The following PCDHA1 variants were observed in gnomAD, a reference collection of about 807,000 sequenced individuals.
PCDHA1 encodes protocadherin alpha 1.
In PCDHA1, 42 loss-of-function variants were observed where a neutral mutation model predicts 61.3. That is an observed-to-expected ratio of 0.69 (90% CI 0.54 to 0.89). The LOEUF (loss-of-function observed/expected upper bound fraction) is 0.89. Ranked by LOEUF, PCDHA1 falls within the 40% of genes least tolerant of loss-of-function variation. PCDHA1 has a pLI of 0.00. For synonymous variants in PCDHA1, 610 were observed against 553.8 expected (o/e 1.10, Z -1.43); for missense variants, 1,256 against 1,235.3 (o/e 1.02, Z -0.25).
intron 3 of PCDHA1, among the ~76,000 whole-genome samples, chr5:141,005,658 C>T (rs1014602554): frequency 6.9e-4 from 96 of 138,640 alleles, no homozygotes; most frequent in African/African-American, 2.4e-3. Flanking sequence ...GTCGAGATCG[C>T]GCCACTGCAC....
chr5:140,820,224 A>G lies in PCDHA1; in HGVS notation c.2394+31540A>G, dbSNP rs148146018. The stretch of plus-strand genomic sequence containing the variant: ...ACGATCCAAATATTAGTGAAAAGTC[A>G]TGATAATAGAGATAGTAAAAATCTT... On this transcript the variant is annotated intron_variant, in intron 1 of 3. Coordinates refer to ENST00000504120, the MANE Select transcript of PCDHA1 (RefSeq NM_018900.4). 1.9e-3 allele frequency among the ~76,000 whole-genome samples: 290 copies of G among 152,128 alleles called. 1 individual carries two copies. The highest frequency in any genetic ancestry group is 6.5e-3 in the African/African-American group (271 of 41,580).
In PCDHA1 at chr5:140,999,156, C is replaced by T. The variant is rs533302480; in HGVS notation, c.2543-10471C>T. On this transcript the variant is annotated intron_variant, in intron 3 of 3. Transcript: ENST00000504120. ...GTCACAGCCGGAAGTCTTCAGTCCCCTAGAAGGAAAAGAGCCTGATGGGGA... is the reference window on the plus strand; with the variant it reads ...GTCACAGCCGGAAGTCTTCAGTCCCTTAGAAGGAAAAGAGCCTGATGGGGA... 4.6e-5 allele frequency among the ~76,000 whole-genome samples: 7 copies of T among 152,280 alleles called. No individual in the cohort carries two copies. In the East Asian group the frequency reaches 1.4e-3, roughly 29 times the overall value.
At chr5:140,808,396 T>C (rs1764160889) in intron 1 of PCDHA1, 1 of 1,614,162 alleles carries the variant, frequency 6.2e-7, no homozygotes, top group Non-Finnish European at 8.5e-7. Context: ...CCTTCAAGAA[T>C]TACTACTCGT....
chr5:141,010,129 G>A lies in PCDHA1; in HGVS notation c.*192G>A, dbSNP rs781919488. The A allele has an allele frequency of 3.7e-6, 6 of 1,601,792 alleles. No individual in the cohort carries two copies. The highest frequency in any genetic ancestry group is 5.1e-6 in the Non-Finnish European group (6 of 1,173,386). On this transcript the variant is annotated 3_prime_UTR_variant, in exon 4 of 4. Coordinates refer to ENST00000504120, the MANE Select transcript of PCDHA1 (RefSeq NM_018900.4). Reference sequence around the variant, plus strand: ...TGTCGTAAAAGCTTTACTAAGTCTGGTGTTAACTCTTTCTCTCCACTCTGG... The same window carrying A: ...TGTCGTAAAAGCTTTACTAAGTCTGATGTTAACTCTTTCTCTCCACTCTGG...
intron 1 of PCDHA1, chr5:140,809,086 A>T: frequency 1.2e-6 from 2 of 1,613,938 alleles, no homozygotes; most frequent in Middle Eastern, 1.6e-4. Context: ...AGATCAGCAC[A>T]ACGCGTGCCC....
chr5:140,830,141 G>A (rs1770846453), intron 1 of PCDHA1: 1 of 1,613,282 alleles, frequency 6.2e-7, no homozygotes, highest in African/African-American at 1.3e-5. Context: ...ACGGGCGTCG[G>A]TGGGCGCCGC....
intron 1 of PCDHA1, chr5:140,968,891 A>G (rs782512271): frequency 1.5e-5 from 24 of 1,614,060 alleles, no homozygotes; most frequent in South Asian, 1.1e-4. Context: ...CCTTTATCTA[A>G]TAATAGCATT....
chr5:140,828,232 G>C lies in PCDHA1; in HGVS notation c.2394+39548G>C, dbSNP rs111975849. ...CCAAACACGGCACCTTCGTGGGCCGGATCGCGCAGGACCTGGGGCTGGAGC... is the reference window on the plus strand; with the variant it reads ...CCAAACACGGCACCTTCGTGGGCCGCATCGCGCAGGACCTGGGGCTGGAGC... On this transcript the variant is annotated intron_variant, in intron 1 of 3. Transcript: ENST00000504120. The C allele has an allele frequency of 3.8e-5, 61 of 1,613,964 alleles. 1 individual carries two copies. The highest frequency in any genetic ancestry group is 2.1e-4 in the African/African-American group (16 of 75,074).
chr5:140,974,544 T>C (rs1393611069), intron 1 of PCDHA1, among the ~76,000 whole-genome samples: 1 of 152,232 alleles, frequency 6.6e-6, no homozygotes, highest in Non-Finnish European at 1.5e-5. Context: ...GGAGTTTTGC[T>C]CTTGTTGCCC....
rs189370080 is a variant in PCDHA1 at position 140,877,740 on chromosome 5, G to C, written c.2394+89056G>C. 2.8e-3 allele frequency: 4,494 copies of C among 1,614,198 alleles called. 21 individuals carry two copies. Among genetic ancestry groups the C allele is most frequent in the African/African-American group, 0.01 (782 of 75,064 alleles). On this transcript the variant is annotated intron_variant, in intron 1 of 3. Transcript: ENST00000504120. ...GGTCTTACTCGCAGCAGAGGAGGCA[G>C]AGGGTGTGCTCTGCAGAGAGCCCGC...
chr5:140,948,528 T>C (rs1234543318), intron 1 of PCDHA1, among the ~76,000 whole-genome samples: 1 of 151,686 alleles, frequency 6.6e-6, no homozygotes, highest in Non-Finnish European at 1.5e-5. Context: ...ACTATTTATA[T>C]TTTATTTCAT....
intron 1 of PCDHA1, among the ~76,000 whole-genome samples, chr5:140,798,888 G>A (rs1762374084): frequency 6.6e-6 from 1 of 152,150 alleles, no homozygotes; most frequent in African/African-American, 2.4e-5. Context: ...GTTATTTGCT[G>A]TTTATTCTAA....
intron 1 of PCDHA1, among the ~76,000 whole-genome samples, chr5:140,946,813 G>T (rs2094033515): frequency 6.6e-6 from 1 of 151,408 alleles, no homozygotes; most frequent in South Asian, 2.1e-4. Flanking sequence ...GTATAACAGT[G>T]ATTACCAGAG....
At chr5:140,938,424 T>C (rs960926721) in intron 1 of PCDHA1, among the ~76,000 whole-genome samples, 1 of 152,204 alleles carries the variant, frequency 6.6e-6, no homozygotes, top group African/African-American at 2.4e-5. Flanking sequence ...TTTGCAAAAA[T>C]CCTTTATCAG....
chr5:140,998,805 C>T (rs1226450562), intron 3 of PCDHA1, among the ~76,000 whole-genome samples: 1 of 152,204 alleles, frequency 6.6e-6, no homozygotes, highest in Admixed American at 6.5e-5. Flanking sequence ...CTCAGGTGAT[C>T]TGCCTGCCTT....
rs2150443842 is a variant in PCDHA1 at position 140,849,644 on chromosome 5, G to A, written c.2394+60960G>A. 141 of 1,598,706 alleles carry A rather than the reference G, an allele frequency of 8.8e-5. 10 individuals are homozygous for A. In the East Asian group the frequency reaches 1.0e-3, roughly 12 times the overall value. ...TCGACCTAGACGCAGATGCCAACGG[G>A]CAGGTTACCTGCTCCCTGACGCCCC... On this transcript the variant is annotated intron_variant, in intron 1 of 3. Coordinates refer to ENST00000504120, the MANE Select transcript of PCDHA1 (RefSeq NM_018900.4).
intron 1 of PCDHA1, among the ~76,000 whole-genome samples, chr5:140,933,480 G>A (rs1255769578): frequency 6.6e-6 from 1 of 151,846 alleles, no homozygotes; most frequent in East Asian, 1.9e-4. Context: ...ACACATTATG[G>A]TTATTCTTTA....
chr5:141,001,448 G>A (rs1465333650), intron 3 of PCDHA1, among the ~76,000 whole-genome samples: 1 of 152,190 alleles, frequency 6.6e-6, no homozygotes, highest in Non-Finnish European at 1.5e-5. Context: ...TCTTTCCACT[G>A]TCAATTGAAG....
chr5:140,848,406 G>T lies in PCDHA1; in HGVS notation c.2394+59722G>T, dbSNP rs2150410052. On this transcript the variant is annotated intron_variant, in intron 1 of 3. Coordinates refer to ENST00000504120, the MANE Select transcript of PCDHA1 (RefSeq NM_018900.4). ...CACTCTCTCTGTGCTGAACGATGGCGAACACAGCAGAATGGGACTGACGAA... is the reference window on the plus strand; with the variant it reads ...CACTCTCTCTGTGCTGAACGATGGCTAACACAGCAGAATGGGACTGACGAA... The T allele has an allele frequency of 2.9e-3, 3,827 of 1,338,984 alleles. 272 individuals carry two copies. The African/African-American group carries it at 0.048, about 17-fold the overall frequency. The allele number at this position is 1,338,984 out of a possible 1,614,324, so 82.9% of individuals were successfully genotyped here. A position where few individuals can be genotyped will look rare whatever the true frequency, so the allele number is the denominator to read the frequency against.
Sources: allele counts gnomAD v4.1 joint callset (sites outside exome capture counted in the v4.1 genomes callset), GRCh38; gene constraint gnomAD v4.1.1; transcripts MANE v1.5; gene names NCBI Gene and HGNC (gene_info 2026-07-23, HGNC 2026-07-21).